NTM: variants seen among roughly 807,000 people sequenced by gnomAD.
The protein encoded by NTM is IgLON family member 2.
In NTM, 13 loss-of-function variants were observed where a neutral mutation model predicts 42.1. The observed-to-expected ratio is 0.31, with a 90% confidence interval of 0.20 to 0.49. The LOEUF (loss-of-function observed/expected upper bound fraction) is 0.49, where lower values mean the gene tolerates loss of function less well. Ranked by LOEUF, NTM falls within the 20% of genes least tolerant of loss-of-function variation. The pLI is 0.99. For missense variants in NTM, 373 were observed against 452.8 expected (o/e 0.82, Z 1.60); for synonymous variants, 187 against 179.2 (o/e 1.04, Z -0.35).
chr11:131,386,177 G>C (rs1943294498), intron 1 of NTM, among the ~76,000 whole-genome samples: 1 of 152,152 alleles, frequency 6.6e-6, no homozygotes, highest in Admixed American at 6.5e-5. Context: ...CAGCATGGAT[G>C]AACTTTGAAA....
At chr11:131,575,516 TCTAA>T (rs1266298623) in intron 1 of NTM, among the ~76,000 whole-genome samples, 8 of 152,084 alleles carry the variant, frequency 5.3e-5, no homozygotes, top group Non-Finnish European at 8.8e-5. Context: ...AGTGGCACAG[TCTAA>T]CTGAGGAGCA....
At chr11:132,169,320 C>CTTTTTTGTTTTTTTTTTTTTTTT (rs2075778087) in intron 3 of NTM, among the ~76,000 whole-genome samples, 1 of 32,358 alleles carries the variant, frequency 3.1e-5, no homozygotes, top group Non-Finnish European at 5.4e-5. Flanking sequence ...AATTTTTTTA[C>CTTTTTTGTTTTTTTTTTTTTTTT]TTTTTTTTTT....
chr11:132,146,107 T>C lies in NTM; in HGVS notation c.168-175T>C, dbSNP rs1043987854. 1.9e-5 allele frequency: 9 copies of C among 484,308 alleles called. No individual in the cohort carries two copies. In the African/African-American group the frequency reaches 1.9e-4, roughly 10 times the overall value. 30.0% of individuals were successfully genotyped at this position (484,308 alleles called of 1,614,324 possible). On this transcript the variant is annotated intron_variant, in intron 2 of 8. Transcript: ENST00000683400. The surrounding 1 kb of genome is among the most constrained non-coding windows in gnomAD (Gnocchi z 4.5). ...TCCGAGCAACATTCTGAGGCTGTAA[T>C]CCCATAAGACCTTTGCTGTGTTCCA...
At chr11:131,652,833 C>T (rs1368117806) in intron 1 of NTM, among the ~76,000 whole-genome samples, 1 of 152,232 alleles carries the variant, frequency 6.6e-6, no homozygotes, top group Non-Finnish European at 1.5e-5. Flanking sequence ...ACTCCAGACC[C>T]TCCGATCAGG....
intron 1 of NTM, among the ~76,000 whole-genome samples, chr11:131,604,881 G>GT (rs142736171): frequency 0.016 from 2,011 of 125,764 alleles, 48 homozygotes; most frequent in African/African-American, 0.047. Flanking sequence ...ATATGTGAGG[G>GT]TTTTTTTTTC....
intron 7 of NTM, among the ~76,000 whole-genome samples, chr11:132,319,586 T>C (rs557322120): frequency 6.6e-6 from 1 of 152,336 alleles, no homozygotes; most frequent in Non-Finnish European, 1.5e-5. Flanking sequence ...CGCCTGCCAT[T>C]GCCTAGTTAG....
At chr11:131,736,763 G>A (rs1202372424) in intron 1 of NTM, among the ~76,000 whole-genome samples, 1 of 152,188 alleles carries the variant, frequency 6.6e-6, no homozygotes, top group East Asian at 1.9e-4. Flanking sequence ...CTCTTAGGGT[G>A]GCATAAGGGG....
chr11:132,188,765 G>A (rs1296412482), intron 3 of NTM, among the ~76,000 whole-genome samples: 3 of 152,006 alleles, frequency 2.0e-5, no homozygotes, highest in Non-Finnish European at 4.4e-5. Flanking sequence ...TCTCAGCAGG[G>A]GCCTGTGTCT....
intron 1 of NTM, among the ~76,000 whole-genome samples, chr11:131,571,985 C>T (rs1372462293): frequency 1.3e-5 from 2 of 152,230 alleles, no homozygotes; most frequent in African/African-American, 4.8e-5. Context: ...ACAACAACCA[C>T]AGCAATCTGA....
At chr11:131,800,378 G>A (rs919086628) in intron 1 of NTM, among the ~76,000 whole-genome samples, 3 of 152,204 alleles carry the variant, frequency 2.0e-5, no homozygotes, top group Admixed American at 2.0e-4. Flanking sequence ...AGAGCTGTGA[G>A]CTTCACCTTC....
At chr11:132,055,130 G>A (rs2079427430) in intron 2 of NTM, among the ~76,000 whole-genome samples, 1 of 152,228 alleles carries the variant, frequency 6.6e-6, no homozygotes, top group South Asian at 2.1e-4. Context: ...TGGCCTTGAG[G>A]TTGGATCATA....
Position 131,698,310 on chromosome 11 carries a change from T to C in NTM, c.83-213254T>C, listed in dbSNP as rs556226444. Among the ~76,000 whole-genome samples, 9 of 152,272 alleles carry C rather than the reference T, an allele frequency of 5.9e-5. No individual in the cohort carries two copies. The South Asian group carries it at 1.9e-3, about 32-fold the overall frequency. ...CCTACCCCAGTGCTCACACACTCAC[T>C]ACTCTATTTCATGACTCCTTTGTGT... On this transcript the variant is annotated intron_variant, in intron 1 of 8. Transcript: ENST00000683400.
At chr11:132,242,079 G>T (rs558460854) in intron 4 of NTM, among the ~76,000 whole-genome samples, 10 of 152,272 alleles carry the variant, frequency 6.6e-5, no homozygotes, top group African/African-American at 2.2e-4. Context: ...CATCTCATTC[G>T]GTTATTTTTC....
At chr11:131,634,949 T>G (rs1422968012) in intron 1 of NTM, among the ~76,000 whole-genome samples, 2 of 152,240 alleles carry the variant, frequency 1.3e-5, no homozygotes, top group Admixed American at 6.5e-5. Context: ...CATTTCAATA[T>G]CATTCACATA....
chr11:132,295,879 G>A lies in NTM; in HGVS notation c.527-11810G>A, dbSNP rs138264040. On this transcript the variant is annotated intron_variant, in intron 4 of 8. Coordinates refer to ENST00000683400, the MANE Select transcript of NTM (RefSeq NM_001352005.2). ...ATAAAGAAAAGAATAAATGGGAGGC[G>A]TGGAGACTCATAAAGAGGATATTGT... 3.3e-3 allele frequency among the ~76,000 whole-genome samples: 502 copies of A among 152,294 alleles called. 1 individual carries two copies. Among genetic ancestry groups the A allele is most frequent in the African/African-American group, 9.7e-3 (404 of 41,542 alleles).
intron 3 of NTM, among the ~76,000 whole-genome samples, chr11:132,164,092 T>C (rs59942727): frequency 0.03 from 4,609 of 152,302 alleles, 228 homozygotes; most frequent in African/African-American, 0.1. Context: ...TGCCCCTTGA[T>C]GAAAGACAAA....
chr11:131,668,274 A>ATCTG (rs1273183353), intron 1 of NTM, among the ~76,000 whole-genome samples: 10 of 151,832 alleles, frequency 6.6e-5, no homozygotes, highest in Admixed American at 5.9e-4. Flanking sequence ...CTATCTATCT[A>ATCTG]TCTATCTATC....
At chr11:131,484,455 A>G (rs1022778975) in intron 1 of NTM, among the ~76,000 whole-genome samples, 2 of 152,178 alleles carry the variant, frequency 1.3e-5, no homozygotes, top group African/African-American at 2.4e-5. Context: ...GAGGCTCCCA[A>G]CTTGAGCTGG....
At chr11:131,774,786 G>A (rs1209146511) in intron 1 of NTM, among the ~76,000 whole-genome samples, 1 of 152,288 alleles carries the variant, frequency 6.6e-6, no homozygotes, top group East Asian at 1.9e-4. Flanking sequence ...CACTCTGAGT[G>A]CTGCTGTGGG....
Sources: allele counts gnomAD v4.1 joint callset (sites outside exome capture counted in the v4.1 genomes callset), GRCh38; gene constraint gnomAD v4.1.1; non-coding constraint Gnocchi (gnomAD v3.1); transcripts MANE v1.5; gene names NCBI Gene and HGNC (gene_info 2026-07-23, HGNC 2026-07-21).